Variants in FRK observed in about 807,000 individuals in gnomAD.
The protein encoded by FRK is fyn related Src family tyrosine kinase.
FRK carries 51 observed loss-of-function variants against 56.4 expected under a neutral mutation model. The ratio of observed to expected loss-of-function variants is 0.90; its 90% CI spans 0.72 to 1.14. The LOEUF is 1.14. Among genes scored for constraint, FRK ranks in the 50% most tolerant of loss-of-function variants. The pLI, the probability that FRK is intolerant of heterozygous loss-of-function variation, is 0.00. For missense variants in FRK, 570 were observed against 601.4 expected (o/e 0.95, Z 0.55); for synonymous variants, 245 against 217.9 (o/e 1.12, Z -1.10).
At chr6:116,027,951 T>C (rs1340557491) in intron 1 of FRK, among the ~76,000 whole-genome samples, 1 of 152,044 alleles carries the variant, frequency 6.6e-6, no homozygotes, top group Non-Finnish European at 1.5e-5. Flanking sequence ...AGCTATCCAG[T>C]ATCTACAGGA....
intron 1 of FRK, among the ~76,000 whole-genome samples, chr6:116,025,801 T>C (rs1030539116): frequency 6.6e-6 from 1 of 152,172 alleles, no homozygotes; most frequent in Non-Finnish European, 1.5e-5. Context: ...GAATAATAAA[T>C]ACTGTTGGGA....
chr6:115,952,007 T>C (rs141331629), intron 5 of FRK, among the ~76,000 whole-genome samples: 6,366 of 152,286 alleles, frequency 0.042, 187 homozygotes, highest in Non-Finnish European at 0.06. Flanking sequence ...GTTCATGTCC[T>C]TCGCCCACTT....
chr6:116,035,148 C>T (rs1776428708), intron 1 of FRK, among the ~76,000 whole-genome samples: 1 of 151,848 alleles, frequency 6.6e-6, no homozygotes, highest in Admixed American at 6.6e-5. Flanking sequence ...CAGAGTTTTG[C>T]TATATAGTAG....
chr6:115,981,202 A>C (rs1243978721), intron 2 of FRK, among the ~76,000 whole-genome samples: 1 of 152,168 alleles, frequency 6.6e-6, no homozygotes, highest in African/African-American at 2.4e-5. Context: ...CTCAGCAAAG[A>C]CAATACAGTA....
the FRK span, among the ~76,000 whole-genome samples, chr6:116,076,718 G>C: frequency 2.0e-5 from 3 of 152,188 alleles, no homozygotes; most frequent in African/African-American, 7.2e-5. Context: ...CTTTGACTAA[G>C]GTGGTGCAGT....
rs1159794163 is a variant in FRK at position 115,956,520 on chromosome 6, G to C, written c.890C>G (p.Thr297Ser). 1 of 1,593,122 alleles carries C rather than the reference G, an allele frequency of 6.3e-7. No homozygotes were observed. Among genetic ancestry groups the C allele is most frequent in the African/African-American group, 1.3e-5 (1 of 74,552 alleles). The change falls in exon 5 of 8, where the codon ACT (threonine) becomes AGT (serine). Residue 297 changes from threonine to serine, a missense_variant. Transcript: ENST00000606080. The part of the protein sequence containing the change: ...PKLIQLYAVC[T>S]LEDPIYIITE... ...AATAATATAAATTGGATCTTCTAAA[G>C]TGCAAACAGCATAAAGCTGGATAAG...
the FRK span, among the ~76,000 whole-genome samples, chr6:116,072,746 C>T: frequency 6.6e-6 from 1 of 152,062 alleles, no homozygotes; most frequent in African/African-American, 2.4e-5. Context: ...TTGTTTTAGG[C>T]CTCAGAGAAT....
chr6:116,091,191 T>G, the FRK span, among the ~76,000 whole-genome samples: 2 of 152,158 alleles, frequency 1.3e-5, no homozygotes, highest in Non-Finnish European at 2.9e-5. Context: ...CAGCACTCTG[T>G]GTCTAGCTAA....
At chr6:115,982,792 C>T (rs931068787) in intron 2 of FRK, among the ~76,000 whole-genome samples, 5 of 152,006 alleles carry the variant, frequency 3.3e-5, no homozygotes, top group African/African-American at 9.7e-5. Flanking sequence ...GCTATAGAGG[C>T]TTGGTGGGGT....
intron 1 of FRK, among the ~76,000 whole-genome samples, chr6:116,051,758 G>T (rs1582760847): frequency 6.6e-6 from 1 of 152,248 alleles, no homozygotes; most frequent in East Asian, 1.9e-4. Context: ...GGGAGTCAGA[G>T]AATGCTGCAG....
At chr6:115,946,381 G>A (rs144805008) in intron 5 of FRK, among the ~76,000 whole-genome samples, 9 of 152,214 alleles carry the variant, frequency 5.9e-5, no homozygotes, top group East Asian at 3.9e-4. Flanking sequence ...TATGGTATTC[G>A]TTGTTAAAAT....
chr6:116,043,440 A>G (rs1776807453), intron 1 of FRK, among the ~76,000 whole-genome samples: 1 of 152,224 alleles, frequency 6.6e-6, no homozygotes, highest in Non-Finnish European at 1.5e-5. Context: ...AACTTACTCA[A>G]AACCTCACAA....
At chr6:116,049,047 T>C (rs1465995484) in intron 1 of FRK, among the ~76,000 whole-genome samples, 1 of 152,060 alleles carries the variant, frequency 6.6e-6, no homozygotes, top group Non-Finnish European at 1.5e-5. Context: ...CTTTGAAATA[T>C]AATTTCACTA....
chr6:116,063,032 G>A, upstream of FRK, among the ~76,000 whole-genome samples: 1 of 152,152 alleles, frequency 6.6e-6, no homozygotes, highest in Non-Finnish European at 1.5e-5. Flanking sequence ...TGCACACCAA[G>A]ATGAGTGGTG....
intron 2 of FRK, among the ~76,000 whole-genome samples, chr6:115,995,072 G>A (rs3798234): frequency 0.029 from 4,406 of 152,228 alleles, 137 homozygotes; most frequent in East Asian, 0.15. Flanking sequence ...CTGATCTGAT[G>A]CGTAGGTCAA....
chr6:115,949,724 GACAATCCTAAGCAAAAATA>G (rs1425357937), intron 5 of FRK, among the ~76,000 whole-genome samples: 1 of 152,098 alleles, frequency 6.6e-6, no homozygotes. Flanking sequence ...GTATAGCCAA[GACAATCCTAAGCAAAAATA>G]ACAAAGCTGG....
intron 1 of FRK, among the ~76,000 whole-genome samples, chr6:116,045,726 G>A (rs1488876045): frequency 6.6e-6 from 1 of 152,060 alleles, no homozygotes; most frequent in East Asian, 1.9e-4. Context: ...CAGGACATAG[G>A]CATGGGCAAA....
chr6:116,031,419 A>T (rs1414303923), intron 1 of FRK, among the ~76,000 whole-genome samples: 2 of 152,174 alleles, frequency 1.3e-5, no homozygotes, highest in Non-Finnish European at 2.9e-5. Flanking sequence ...TGCCAAAAAT[A>T]CTTCAGTGAA....
chr6:115,990,431 T>A (rs774844457), intron 2 of FRK, among the ~76,000 whole-genome samples: 2 of 151,962 alleles, frequency 1.3e-5, no homozygotes, highest in Non-Finnish European at 2.9e-5. Context: ...AAGTCTTTAA[T>A]CCATCTTGGG....
Sources: gnomAD v4.1 joint callset for allele counts (sites outside exome capture counted in the v4.1 genomes callset) on GRCh38, gnomAD v4.1.1 for gene constraint, MANE v1.5 for transcripts, NCBI Gene and HGNC (gene_info 2026-07-23, HGNC 2026-07-21) for gene names.